Variants in ITGA2 observed in about 807,000 individuals in gnomAD.
ITGA2 encodes the protein integrin alpha-2.
Under a neutral mutation model 146.3 loss-of-function variants are expected in ITGA2, and 101 were observed. The observed-to-expected ratio is 0.69, with a 90% confidence interval of 0.59 to 0.81. ITGA2 has a LOEUF of 0.81. Ranked by LOEUF, ITGA2 falls within the 40% of genes least tolerant of loss-of-function variation. ITGA2 has a pLI of 0.00. For missense variants in ITGA2, 1,281 were observed against 1,402.7 expected (o/e 0.91, Z 1.39); for synonymous variants, 477 against 487.1 (o/e 0.98, Z 0.27).
At chr5:53,013,343 A>G (rs1742235343) in intron 1 of ITGA2, among the ~76,000 whole-genome samples, 1 of 150,566 alleles carries the variant, frequency 6.6e-6, no homozygotes, top group Non-Finnish European at 1.5e-5. Flanking sequence ...AACACCATTT[A>G]GTAAATGGGC....
rs551900884 is a variant in ITGA2 at position 53,039,539 on chromosome 5, G to T, written c.186-2573G>T. 2.0e-4 allele frequency among the ~76,000 whole-genome samples: 31 copies of T among 151,726 alleles called. No individual in the cohort carries two copies. The South Asian group carries it at 6.0e-3, about 30-fold the overall frequency. ...CGGGCGGATCACCTGACGTTAGGAGGTTGAGACCAGCCTGGCAAACATGGC... is the reference window on the plus strand; with the variant it reads ...CGGGCGGATCACCTGACGTTAGGAGTTTGAGACCAGCCTGGCAAACATGGC... On this transcript the variant is annotated intron_variant, in intron 2 of 29. Coordinates refer to ENST00000296585, the MANE Select transcript of ITGA2 (RefSeq NM_002203.4).
rs1238970264 is a variant in ITGA2, at chr5:53,094,589, GT to G, written c.*3992del. On this transcript the variant is annotated 3_prime_UTR_variant, in exon 30 of 30. Transcript: ENST00000296585. Reference sequence around the variant, plus strand: ...AAATAAATGCATGTTTGTACAAAAAGTTGCAGAATTCATTTGATTTATGAGA... The same window carrying G: ...AAATAAATGCATGTTTGTACAAAAAGTGCAGAATTCATTTGATTTATGAGA... 2 of 152,082 alleles carry G rather than the reference GT, an allele frequency of 1.3e-5. No individual in the cohort carries two copies. Among genetic ancestry groups the G allele is most frequent in the African/African-American group, 4.8e-5 (2 of 41,406 alleles). 9.4% of individuals were successfully genotyped at this position (152,082 alleles called of 1,614,324 possible).
rs560718885 is a variant in ITGA2, at chr5:53,060,020, A to G, written c.1312+8A>G. 7 of 1,611,952 alleles carry G rather than the reference A, an allele frequency of 4.3e-6. No homozygotes were observed. In the African/African-American group the frequency reaches 6.7e-5, roughly 15 times the overall value. On this transcript the variant is annotated splice_region_variant and intron_variant, in intron 11 of 29. Transcript: ENST00000296585. ...ATCACAGTTCATATTTAGGTAAGGC[A>G]TGGTAATAATTGGCTCAGCAAACTT...
chr5:52,990,838 G>C (rs541697303), intron 1 of ITGA2, among the ~76,000 whole-genome samples: 17 of 152,180 alleles, frequency 1.1e-4, no homozygotes, highest in African/African-American at 4.1e-4. Context: ...GTTTTGAGGG[G>C]CCACCAACCC....
chr5:53,005,007 A>G (rs1741768396), intron 1 of ITGA2, among the ~76,000 whole-genome samples: 1 of 137,806 alleles, frequency 7.3e-6, no homozygotes, highest in African/African-American at 2.8e-5. Context: ...GGAAAATGAG[A>G]TTTCCTGTGG....
rs139025134 is a variant in ITGA2 at position 53,051,512 on chromosome 5, A to G, written c.732A>G (p.Gln244=). Residue 244 remains glutamine, a synonymous_variant, in exon 7 of 30, where the codon CAA becomes CAG. Transcript: ENST00000296585. ...TTGTAGCAACATCCCAGACATCCCA[A>G]TATGGTGGGGACCTCACAAACACAT... is the stretch of plus-strand genomic sequence containing the variant. The part of the protein sequence containing the change: ...EMIVATSQTS[Q]YGGDLTNTFG... 23 of 1,613,608 alleles carry G rather than the reference A, an allele frequency of 1.4e-5. 1 individual carries two copies. The highest frequency in any genetic ancestry group is 1.8e-5 in the Non-Finnish European group (21 of 1,179,780).
rs543864974 is a variant in ITGA2 at position 53,090,776 on chromosome 5, G to A, written c.*177G>A. The stretch of plus-strand genomic sequence containing the variant: ...GAATGAAGAAATTGTGGGGGGTGGG[G>A]GAGGTGCGGGGGGCAGGTAGGGAAA... On this transcript the variant is annotated 3_prime_UTR_variant, in exon 30 of 30. Transcript: ENST00000296585. 11 of 461,684 alleles carry A rather than the reference G, an allele frequency of 2.4e-5. No individual in the cohort carries two copies. Among genetic ancestry groups the A allele is most frequent in the Non-Finnish European group, 3.6e-5 (9 of 247,052 alleles). 28.6% of individuals were successfully genotyped at this position (461,684 alleles called of 1,614,324 possible).
intron 10 of ITGA2, among the ~76,000 whole-genome samples, chr5:53,059,460 GT>G (rs1744801791): frequency 6.6e-6 from 1 of 151,910 alleles, no homozygotes; most frequent in South Asian, 2.1e-4. Flanking sequence ...CAGTACTTCT[GT>G]TTCTCAAGCA....
At chr5:53,018,550 A>G (rs1742512217) in intron 1 of ITGA2, among the ~76,000 whole-genome samples, 1 of 151,576 alleles carries the variant, frequency 6.6e-6, no homozygotes, top group South Asian at 2.1e-4. Flanking sequence ...CCTTCCCTGC[A>G]AAGACCTGTT....
intron 1 of ITGA2, among the ~76,000 whole-genome samples, chr5:53,025,012 T>G (rs1179610501): frequency 6.6e-6 from 1 of 152,190 alleles, no homozygotes; most frequent in Non-Finnish European, 1.5e-5. Context: ...CATCATAATT[T>G]CCTGCCATTA....
At chr5:53,026,604 C>G (rs1742959193) in intron 1 of ITGA2, 144 bp from the exon 2 acceptor site, 1 of 710,506 alleles carries the variant, frequency 1.4e-6, no homozygotes, top group Non-Finnish European at 2.4e-6. Flanking sequence ...ACTTAAAAAG[C>G]AGTAGTTATT....
intron 1 of ITGA2, among the ~76,000 whole-genome samples, chr5:53,024,703 C>T (rs1742857131): frequency 6.6e-6 from 1 of 152,168 alleles, no homozygotes; most frequent in Non-Finnish European, 1.5e-5. Flanking sequence ...GGCAGTGGAA[C>T]AGGCAGCTGC....
intron 4 of ITGA2, among the ~76,000 whole-genome samples, chr5:53,048,000 C>T (rs1303725881): frequency 6.6e-6 from 1 of 152,216 alleles, no homozygotes; most frequent in East Asian, 1.9e-4. Context: ...CACCTGAGGC[C>T]CAGGTAAATG....
intron 1 of ITGA2, among the ~76,000 whole-genome samples, chr5:53,013,025 G>T (rs1402701792): frequency 6.6e-6 from 1 of 151,928 alleles, no homozygotes; most frequent in East Asian, 1.9e-4. Context: ...CATAGTTTTC[G>T]AATATTCTCT....
intron 1 of ITGA2, among the ~76,000 whole-genome samples, chr5:53,004,894 GTTTTTTTTTTTTTTTTTTTTTTTTTTTTT>G (rs548541753): frequency 7.1e-5 from 4 of 55,946 alleles, no homozygotes; most frequent in Middle Eastern, 0.014. Context: ...TAGTTGCTTT[GTTTTTTTTTTTTTTTTTTTTTTTTTTTTT>G]TTTTTTTTTT....
chr5:52,992,127 A>C (rs1431603032), intron 1 of ITGA2, among the ~76,000 whole-genome samples: 1 of 151,780 alleles, frequency 6.6e-6, no homozygotes, highest in Non-Finnish European at 1.5e-5. Flanking sequence ...AAATATTCTA[A>C]TTTTTCTTAT....
chr5:53,036,183 C>T (rs1743485641), intron 2 of ITGA2, among the ~76,000 whole-genome samples: 1 of 152,190 alleles, frequency 6.6e-6, no homozygotes, highest in South Asian at 2.1e-4. Flanking sequence ...TGTATGAGCA[C>T]TCCATCATCT....
intron 24 of ITGA2, among the ~76,000 whole-genome samples, 182 bp downstream of exon 24, chr5:53,079,056 C>T (rs985537994): frequency 6.6e-6 from 1 of 152,132 alleles, no homozygotes; most frequent in Non-Finnish European, 1.5e-5. Flanking sequence ...TTATCTCCAG[C>T]GTTTCTGATT....
chr5:53,071,477 C>G (rs1282777235), intron 17 of ITGA2, among the ~76,000 whole-genome samples: 1 of 151,910 alleles, frequency 6.6e-6, no homozygotes, highest in Admixed American at 6.6e-5. Context: ...TAGTCCAGAG[C>G]TGTCATGGTA....
Sources: gnomAD v4.1 joint callset for allele counts (sites outside exome capture counted in the v4.1 genomes callset) on GRCh38, gnomAD v4.1.1 for gene constraint, MANE v1.5 for transcripts, NCBI Gene and HGNC (gene_info 2026-07-23, HGNC 2026-07-21) for gene names.